The following VWF variants were observed in gnomAD, a reference collection of about 807,000 sequenced individuals.
VWF encodes the protein Factor VIII related antigen.
A neutral mutation model predicts 308.6 loss-of-function variants in VWF; 176 were observed. The ratio of observed to expected loss-of-function variants is 0.57; its 90% CI spans 0.50 to 0.65. VWF has a LOEUF of 0.65. VWF is among the 30% of genes least tolerant of loss of function. The pLI, the probability that VWF is intolerant of heterozygous loss-of-function variation, is 0.00. For synonymous variants in VWF, 1,385 were observed against 1,443.4 expected (o/e 0.96, Z 0.92); for missense variants, 3,146 against 3,648.2 (o/e 0.86, Z 3.55).
At chr12:6,087,697 A>T (rs970580782) in intron 6 of VWF, among the ~76,000 whole-genome samples, 5 of 152,036 alleles carry the variant, frequency 3.3e-5, no homozygotes, top group Non-Finnish European at 5.9e-5. Flanking sequence ...GTCACAGCAT[A>T]ACCTGTCTAC....
At chr12:5,985,508 C>T (rs1214179093) in intron 39 of VWF, 55 bp downstream of exon 39, 1 of 1,563,038 alleles carries the variant, frequency 6.4e-7, no homozygotes, top group Non-Finnish European at 8.7e-7. Context: ...GGCTGGGGGG[C>T]CTTGCAGGGG....
chr12:6,116,076 C>G (rs4764537), intron 3 of VWF, among the ~76,000 whole-genome samples: 150,787 of 152,270 alleles, frequency 0.99, 74,664 homozygotes, highest in East Asian at 1. Flanking sequence ...AACTCAGGGG[C>G]ATCAGATGAT....
At chr12:5,967,747 G>T in intron 46 of VWF, 145 bp from the exon 47 acceptor site, 1 of 792,458 alleles carries the variant, frequency 1.3e-6, no homozygotes, top group Non-Finnish European at 2.2e-6. Flanking sequence ...ATGGCCCACT[G>T]CCTTCCCGTC....
intron 5 of VWF, chr12:6,095,971 T>C: frequency 2.9e-6 from 1 of 342,398 alleles, no homozygotes. Context: ...CACACCAGGC[T>C]CTAGGTCTGT....
Position 5,978,901 on chromosome 12 carries a change from T to A in VWF, c.7288-2641A>T, listed in dbSNP as rs1200392880. On this transcript the variant is annotated intron_variant, in intron 42 of 51. Coordinates refer to ENST00000261405, the MANE Select transcript of VWF (RefSeq NM_000552.5). ...GGACTAGGGCAGGAAATGCCCAGGG[T>A]GAGCCCAGCACGCCTTATTGTTTCA... Among the ~76,000 whole-genome samples the A allele has an allele frequency of 4.6e-5, 7 of 152,300 alleles. No homozygotes were observed. In the East Asian group the frequency reaches 1.4e-3, roughly 29 times the overall value.
At chr12:5,968,389 G>A (rs1014038020) in intron 45 of VWF, among the ~76,000 whole-genome samples, 18 of 152,266 alleles carry the variant, frequency 1.2e-4, no homozygotes, top group African/African-American at 4.1e-4. Context: ...AGCCCCGTAC[G>A]TTCTCCAAGT....
intron 11 of VWF, 136 bp from the exon 12 acceptor site, chr12:6,064,520 C>T (rs1290530213): frequency 3.7e-6 from 5 of 1,362,928 alleles, no homozygotes; most frequent in Non-Finnish European, 5.0e-6. Context: ...TCCATTCTCC[C>T]AGAATACTCC....
At chr12:6,087,088 A>G (rs1004675264) in intron 6 of VWF, among the ~76,000 whole-genome samples, 3 of 152,172 alleles carry the variant, frequency 2.0e-5, no homozygotes, top group African/African-American at 7.2e-5. Context: ...CACCAAATTC[A>G]GAGACCAGTG....
At chr12:5,989,090 C>A (rs1943710141) in intron 38 of VWF, among the ~76,000 whole-genome samples, 1 of 152,176 alleles carries the variant, frequency 6.6e-6, no homozygotes, top group African/African-American at 2.4e-5. Flanking sequence ...GCCAGAGCTT[C>A]TGGGCCATGG....
chr12:6,063,892 C>CAAAT lies in VWF; in HGVS notation c.1432+353_1432+354insATTT, dbSNP rs1944683844. Among the ~76,000 whole-genome samples, 1 of 152,036 alleles carries CAAAT rather than the reference C, an allele frequency of 6.6e-6. No individual in the cohort carries two copies. Among genetic ancestry groups the CAAAT allele is most frequent in the Admixed American group, 6.5e-5 (1 of 15,278 alleles). Reference sequence around the variant, plus strand: ...CGATCTCTCAGCATCAGCCTCTGCCCCTGTCCCACCCCAGAGCAAACCAGA... The same window carrying CAAAT: ...CGATCTCTCAGCATCAGCCTCTGCCCAAATCTGTCCCACCCCAGAGCAAACCAGA... On this transcript the variant is annotated intron_variant, in intron 12 of 51. Transcript: ENST00000261405. The surrounding 1 kb of genome is among the most constrained non-coding windows in gnomAD (Gnocchi z 4.9).
intron 6 of VWF, among the ~76,000 whole-genome samples, chr12:6,090,373 G>A (rs967193158): frequency 6.6e-6 from 1 of 152,176 alleles, no homozygotes; most frequent in African/African-American, 2.4e-5. Flanking sequence ...TTGGAGGTGT[G>A]GAGATATCTG....
chr12:5,995,968 G>GACAT, intron 35 of VWF, 34 bp downstream of exon 35: 1 of 1,601,798 alleles, frequency 6.2e-7, no homozygotes, highest in South Asian at 1.1e-5. Flanking sequence ...ACATTCTATT[G>GACAT]CCTTACCACG....
intron 5 of VWF, among the ~76,000 whole-genome samples, chr12:6,105,683 T>C (rs949581918): frequency 3.9e-5 from 6 of 152,138 alleles, no homozygotes; most frequent in Non-Finnish European, 8.8e-5. Context: ...TCATGAAATA[T>C]ATGAAGAAAA....
In VWF at chr12:6,019,664, C is replaced by G. The variant is rs769901328; in HGVS notation, c.3754G>C (p.Val1252Leu). 6.2e-7 allele frequency: 1 copy of G among 1,613,852 alleles called. No homozygotes were observed. The highest frequency in any genetic ancestry group is 1.1e-5 in the South Asian group (1 of 91,062). Residue 1252 changes from valine to leucine, a missense_variant, in exon 28 of 52, where the codon GTG (valine) becomes CTG (leucine). Physicochemically the swap from Val to Leu is conservative, Grantham distance 32. This residue lies in a region of VWF where 853 missense variants were observed against 1,177.8 expected (regional missense o/e 0.72). Coordinates refer to ENST00000261405, the MANE Select transcript of VWF (RefSeq NM_000552.5). This position sits in a 1 kb window ranked among gnomAD's most constrained non-coding sequence, Gnocchi z 5.8. ...GLVVPPTDAP[V>L]SPTTLYVEDI... ...TCCACATACAGAGTGGTGGGGCTCA[C>G]CGGGGCATCTGTGGGAGGCACCACC...
chr12:6,054,346 G>C (rs545357275), intron 15 of VWF, among the ~76,000 whole-genome samples: 10 of 152,346 alleles, frequency 6.6e-5, no homozygotes, highest in Admixed American at 2.6e-4. Flanking sequence ...TGTAGGTTAA[G>C]ACAGGATGTG....
intron 34 of VWF, among the ~76,000 whole-genome samples, chr12:6,009,911 G>A (rs1022531902): frequency 6.6e-6 from 1 of 152,214 alleles, no homozygotes; most frequent in Non-Finnish European, 1.5e-5. Context: ...CCACTTACAG[G>A]AGGTATCTAA....
At chr12:6,016,958 C>G in intron 28 of VWF, 88 bp from the exon 29 acceptor site, 1 of 1,433,428 alleles carries the variant, frequency 7.0e-7, no homozygotes, top group African/African-American at 1.4e-5. Context: ...ATAGGATCTG[C>G]AGGGCGTGCT....
chr12:6,022,580 T>G (rs183069788), intron 26 of VWF, among the ~76,000 whole-genome samples, 160 bp downstream of exon 26: 7,456 of 131,252 alleles, frequency 0.057, 770 homozygotes, highest in African/African-American at 0.21. Flanking sequence ...ATCACGACTG[T>G]CCTGACTCTG....
chr12:5,969,096 G>T, intron 45 of VWF, 115 bp downstream of exon 45: 2 of 1,181,618 alleles, frequency 1.7e-6, no homozygotes. Context: ...GGAAGATTTC[G>T]GTCCTATCCA....
Sources: allele counts gnomAD v4.1 joint callset (sites outside exome capture counted in the v4.1 genomes callset), GRCh38; gene constraint gnomAD v4.1.1; regional missense constraint gnomAD v4.1.1; non-coding constraint Gnocchi (gnomAD v3.1); transcripts MANE v1.5; gene names NCBI Gene and HGNC (gene_info 2026-07-23, HGNC 2026-07-21).